MTA3: variants seen among roughly 807,000 people sequenced by gnomAD.
The protein encoded by MTA3 is metastasis associated 1 family member 3, also known as metastasis-associated protein MTA3.
A neutral mutation model predicts 83.5 loss-of-function variants in MTA3; 34 were observed. The observed-to-expected ratio is 0.41, with a 90% CI of 0.31 to 0.54. MTA3 has a LOEUF of 0.54. Among genes scored for constraint, MTA3 ranks in the 20% least tolerant of loss-of-function variants. MTA3 has a pLI of 0.33. For missense variants in MTA3, 761 were observed against 726.4 expected (o/e 1.05, Z -0.55); for synonymous variants, 303 against 252.7 (o/e 1.20, Z -1.89).
chr2:42,618,619 A>G (rs1275488271), intron 4 of MTA3, among the ~76,000 whole-genome samples: 4 of 151,394 alleles, frequency 2.6e-5, no homozygotes, highest in East Asian at 3.9e-4. Context: ...TTTTTTTTCT[A>G]TTTTTTGAAA....
intron 2 of MTA3, among the ~76,000 whole-genome samples, chr2:42,536,674 A>G (rs922991100): frequency 1.3e-5 from 2 of 151,930 alleles, no homozygotes; most frequent in African/African-American, 2.4e-5. Flanking sequence ...CCTGGCTAAC[A>G]CGGTGAAACC....
At chr2:42,528,766 T>G (rs1400807501) in intron 2 of MTA3, among the ~76,000 whole-genome samples, 11 of 152,198 alleles carry the variant, frequency 7.2e-5, no homozygotes. Flanking sequence ...CAAATTAAAT[T>G]TAACAGAGTT....
chr2:42,536,635 G>A (rs113122535), intron 2 of MTA3, among the ~76,000 whole-genome samples: 2,354 of 152,084 alleles, frequency 0.015, 24 homozygotes, highest in Middle Eastern at 0.027. Context: ...TGAGGCAGGC[G>A]GATCACGAGG....
At chr2:42,695,903 A>T in intron 10 of MTA3, 64 bp downstream of exon 10, 1 of 1,158,614 alleles carries the variant, frequency 8.6e-7, no homozygotes, top group African/African-American at 1.6e-5. Context: ...TTATATTTTA[A>T]TATTTTTTGG....
At chr2:42,576,862 A>G (rs1573027901) in intron 2 of MTA3, among the ~76,000 whole-genome samples, 1 of 152,018 alleles carries the variant, frequency 6.6e-6, no homozygotes, top group Admixed American at 6.6e-5. Flanking sequence ...GTGCCATTGC[A>G]CTCCAGCCTG....
chr2:42,520,453 A>T (rs1322523801), intron 2 of MTA3, among the ~76,000 whole-genome samples: 4 of 152,178 alleles, frequency 2.6e-5, no homozygotes, highest in African/African-American at 9.6e-5. Flanking sequence ...CCCCATAAGC[A>T]TAAGAGAGCA....
intron 2 of MTA3, among the ~76,000 whole-genome samples, chr2:42,497,319 G>T (rs1357910080): frequency 1.3e-5 from 2 of 152,006 alleles, no homozygotes; most frequent in Non-Finnish European, 2.9e-5. Context: ...AGGCGCGGTG[G>T]CTCATGCCTG....
intron 2 of MTA3, among the ~76,000 whole-genome samples, chr2:42,512,190 T>A (rs1558405935): frequency 6.6e-6 from 1 of 151,888 alleles, no homozygotes; most frequent in African/African-American, 2.4e-5. Flanking sequence ...CTCAACTTGA[T>A]GACTGGCAGT....
chr2:42,676,074 C>T (rs977582132), intron 8 of MTA3, among the ~76,000 whole-genome samples: 1 of 152,150 alleles, frequency 6.6e-6, no homozygotes, highest in Non-Finnish European at 1.5e-5. Flanking sequence ...TAAATGTGCG[C>T]TTTGGAGGTT....
At chr2:42,602,755 A>G (rs1342736792) in intron 3 of MTA3, among the ~76,000 whole-genome samples, 1 of 152,148 alleles carries the variant, frequency 6.6e-6, no homozygotes, top group Non-Finnish European at 1.5e-5. Flanking sequence ...GTGAAGGGAA[A>G]AGCAGTAAAT....
intron 16 of MTA3, among the ~76,000 whole-genome samples, chr2:42,725,508 A>G (rs1309502503): frequency 6.6e-6 from 1 of 152,270 alleles, no homozygotes; most frequent in Non-Finnish European, 1.5e-5. Flanking sequence ...GGAGGACAGA[A>G]TAAATCAACA....
chr2:42,601,233 C>G (rs1419286279), intron 3 of MTA3, among the ~76,000 whole-genome samples: 3 of 152,068 alleles, frequency 2.0e-5, no homozygotes, highest in African/African-American at 7.2e-5. Flanking sequence ...TCAACTTGAA[C>G]TTTGTTCTGG....
rs865786850 is a variant in MTA3 at position 42,549,439 on chromosome 2, G to A, written c.-140-20998G>A. 4.0e-3 allele frequency among the ~76,000 whole-genome samples: 185 copies of A among 45,816 alleles called. 15 individuals are homozygous for A. Among genetic ancestry groups the A allele is most frequent in the African/African-American group, 9.8e-3 (93 of 9,454 alleles). The allele number at this position is 45,816 out of a possible 152,430, so 30.1% of individuals were successfully genotyped here. A position where few individuals can be genotyped will look rare whatever the true frequency, so the allele number is the denominator to read the frequency against. On this transcript the variant is annotated intron_variant, in intron 2 of 17. Coordinates refer to the MTA3 transcript ENST00000405592. ...ATATTATATAATATATAATATATAC[G>A]TATACATATAATATATTATATATAC...
chr2:42,740,579 T>C (rs1413151861), intron 16 of MTA3, among the ~76,000 whole-genome samples: 1 of 152,262 alleles, frequency 6.6e-6, no homozygotes, highest in Non-Finnish European at 1.5e-5. Context: ...GAATGGATAA[T>C]AGAAGTTGTG....
chr2:42,691,789 A>G lies in MTA3; in HGVS notation c.892-3976A>G, dbSNP rs559835741. On this transcript the variant is annotated intron_variant, in intron 9 of 16. Coordinates refer to ENST00000405094, the MANE Select transcript of MTA3 (RefSeq NM_001330442.2). ...TTTGAAGGACATTTTCACTGGATATACTATTCTTGGGTAAAGGTCTTTTCC... is the reference window on the plus strand; with the variant it reads ...TTTGAAGGACATTTTCACTGGATATGCTATTCTTGGGTAAAGGTCTTTTCC... Among the ~76,000 whole-genome samples the G allele has an allele frequency of 2.0e-5, 3 of 152,290 alleles. No individual in the cohort carries two copies. In the East Asian group the frequency reaches 5.8e-4, roughly 29 times the overall value.
intron 3 of MTA3, among the ~76,000 whole-genome samples, chr2:42,602,440 A>G (rs1225507146): frequency 6.6e-6 from 1 of 152,190 alleles, no homozygotes; most frequent in African/African-American, 2.4e-5. Flanking sequence ...CATGTGGTGG[A>G]AGAAACTTGT....
At chr2:42,561,795 C>T (rs1016444026) in intron 2 of MTA3, among the ~76,000 whole-genome samples, 4 of 152,108 alleles carry the variant, frequency 2.6e-5, no homozygotes, top group Non-Finnish European at 4.4e-5. Flanking sequence ...TATTCTGTTT[C>T]TGTGTCCCTT....
intron 3 of MTA3, among the ~76,000 whole-genome samples, chr2:42,606,526 G>T (rs1573225089): frequency 6.7e-6 from 1 of 148,846 alleles, no homozygotes; most frequent in Admixed American, 6.7e-5. Context: ...TGTGATGGCG[G>T]CTGGGAAGAG....
At chr2:42,511,025 A>C (rs191608243) in intron 2 of MTA3, among the ~76,000 whole-genome samples, 3 of 152,242 alleles carry the variant, frequency 2.0e-5, no homozygotes, top group African/African-American at 4.8e-5. Flanking sequence ...TGCTGTTCTT[A>C]CCCTTCTGTC....
Sources: gnomAD v4.1 joint callset for allele counts (sites outside exome capture counted in the v4.1 genomes callset) on GRCh38, gnomAD v4.1.1 for gene constraint, MANE v1.5 for transcripts, NCBI Gene and HGNC (gene_info 2026-07-23, HGNC 2026-07-21) for gene names.